Variants in SYTL5 observed in about 807,000 individuals in gnomAD.
SYTL5 encodes synaptotagmin like 5.
In SYTL5, 34 loss-of-function variants were observed where a neutral mutation model predicts 55.9. The ratio of observed to expected loss-of-function variants is 0.61; its 90% CI spans 0.46 to 0.81. SYTL5 has a LOEUF of 0.81. Ranked by LOEUF, SYTL5 falls within the 30% of genes least tolerant of loss-of-function variation. The probability of loss-of-function intolerance (pLI) is 0.00; values close to 1 mark genes in which losing one functional copy is unlikely to be tolerated. For synonymous variants in SYTL5, 221 were observed against 188.7 expected (o/e 1.17, Z -1.40); for missense variants, 637 against 546.7 (o/e 1.17, Z -1.65).
At chrX:38,107,041 ATG>A (rs777626020) in intron 11 of SYTL5, among the ~76,000 whole-genome samples, 2 of 112,661 alleles carry the variant, frequency 1.8e-5, no homozygotes, top group South Asian at 3.7e-4. Context: ...GAATGCTGAC[ATG>A]TTGGCACACC....
intron 10 of SYTL5, chrX:38,103,068 G>A: frequency 8.6e-7 from 1 of 1,160,442 alleles, no homozygotes; most frequent in Non-Finnish European, 1.2e-6. Flanking sequence ...CTACCTAAAT[G>A]TGCCTGATGC....
intron 1 of SYTL5, among the ~76,000 whole-genome samples, chrX:38,015,081 C>G (rs1934309152): frequency 8.9e-6 from 1 of 112,003 alleles, no homozygotes; most frequent in Admixed American, 9.5e-5. Flanking sequence ...ATATGTAAAT[C>G]AAGAATTCAT....
chrX:37,922,774 T>C, the SYTL5 span, among the ~76,000 whole-genome samples: 8 of 111,521 alleles, frequency 7.2e-5, no homozygotes, highest in Non-Finnish European at 1.5e-4. Context: ...CCCAGTAAGA[T>C]TGAGGAACCC....
chrX:38,009,717 A>G (rs2147295902), intron 1 of SYTL5, among the ~76,000 whole-genome samples: 1 of 111,411 alleles, frequency 9.0e-6, no homozygotes, highest in Admixed American at 9.6e-5. Flanking sequence ...CCTCATGGAT[A>G]TCTTCTTTTT....
At chrX:37,914,029 T>A in the SYTL5 span, among the ~76,000 whole-genome samples, 10 of 112,062 alleles carry the variant, frequency 8.9e-5, no homozygotes, top group East Asian at 2.8e-3. Context: ...TGAGGCAAAA[T>A]ACTATCTTTG....
chrX:37,992,823 G>A, the SYTL5 span, among the ~76,000 whole-genome samples: 15 of 111,718 alleles, frequency 1.3e-4, no homozygotes, highest in Admixed American at 1.1e-3. Context: ...AATCGAACAC[G>A]TCAATACCAT....
At chrX:38,047,633 C>T (rs1029079892) in intron 2 of SYTL5, among the ~76,000 whole-genome samples, 1 of 112,812 alleles carries the variant, frequency 8.9e-6, no homozygotes. Flanking sequence ...TTACATTTGG[C>T]TCCTCATTAC....
At chrX:37,969,667 C>T in the SYTL5 span, among the ~76,000 whole-genome samples, 2 of 112,049 alleles carry the variant, frequency 1.8e-5, no homozygotes, top group Non-Finnish European at 3.8e-5. Flanking sequence ...GAGTCTTGCT[C>T]TGTCGCCCAG....
At chrX:38,054,611 T>TGAGA (rs3067495) in intron 3 of SYTL5, among the ~76,000 whole-genome samples, 189 bp downstream of exon 3, 417 of 95,408 alleles carry the variant, frequency 4.4e-3, no homozygotes, top group Middle Eastern at 0.021. Context: ...TGTGTGTATG[T>TGAGA]GAGAGAGAGA....
At chrX:37,960,157 A>C in the SYTL5 span, among the ~76,000 whole-genome samples, 1 of 110,865 alleles carries the variant, frequency 9.0e-6, no homozygotes. Context: ...GGAGGGGAAG[A>C]CTCGAAGATC....
the SYTL5 span, among the ~76,000 whole-genome samples, chrX:37,940,528 A>T: frequency 2.8e-5 from 3 of 105,595 alleles, no homozygotes; most frequent in Non-Finnish European, 5.8e-5. Context: ...CGTTTCCCAC[A>T]TTGGTTCTCT....
intron 2 of SYTL5, among the ~76,000 whole-genome samples, chrX:38,047,474 T>C (rs930632383): frequency 8.9e-6 from 1 of 112,796 alleles, no homozygotes; most frequent in Non-Finnish European, 1.9e-5. Context: ...GCAGCTGAGA[T>C]GCAGGGCACC....
At chrX:38,055,945 T>G (rs751524515) in intron 3 of SYTL5, among the ~76,000 whole-genome samples, 1 of 111,964 alleles carries the variant, frequency 8.9e-6, no homozygotes, top group African/African-American at 3.2e-5. Context: ...CCTCAAGAAT[T>G]TATCCTTTGT....
At chrX:38,074,291 A>G (rs1936335924) in intron 5 of SYTL5, among the ~76,000 whole-genome samples, 1 of 112,087 alleles carries the variant, frequency 8.9e-6, no homozygotes, top group Admixed American at 9.5e-5. Flanking sequence ...ATCCCAAAAT[A>G]TAGGCTATAA....
the SYTL5 span, among the ~76,000 whole-genome samples, chrX:37,948,552 A>G: frequency 9.1e-6 from 1 of 110,182 alleles, no homozygotes; most frequent in Non-Finnish European, 1.9e-5. Context: ...TTTAGAGTAT[A>G]CAACTTGATG....
the SYTL5 span, among the ~76,000 whole-genome samples, chrX:37,945,250 A>AT: frequency 4.5e-5 from 5 of 111,828 alleles, no homozygotes; most frequent in Non-Finnish European, 7.5e-5. Context: ...ATGTGGTTTT[A>AT]TTTTTTTCTG....
At chrX:37,997,860 C>A in the SYTL5 span, among the ~76,000 whole-genome samples, 5 of 112,311 alleles carry the variant, frequency 4.5e-5, no homozygotes, top group East Asian at 1.4e-3. Flanking sequence ...CCCATGGCCA[C>A]CCGTGGACCA....
intron 7 of SYTL5, among the ~76,000 whole-genome samples, chrX:38,092,516 C>A (rs1342746594): frequency 1.8e-5 from 2 of 111,475 alleles, no homozygotes; most frequent in African/African-American, 6.5e-5. Flanking sequence ...GGAGGGGAAG[C>A]CAAGTGTCTG....
intron 3 of SYTL5, among the ~76,000 whole-genome samples, chrX:38,059,299 G>C (rs1481951646): frequency 1.8e-5 from 2 of 111,589 alleles, no homozygotes; most frequent in Non-Finnish European, 3.8e-5. Context: ...TGTGGTTTTG[G>C]TCATGTCTTT....
Sources: gnomAD v4.1 joint callset for allele counts (sites outside exome capture counted in the v4.1 genomes callset) on GRCh38, gnomAD v4.1.1 for gene constraint, MANE v1.5 for transcripts, NCBI Gene and HGNC (gene_info 2026-07-23, HGNC 2026-07-21) for gene names.